The following SLC9A4 variants were observed in gnomAD, a reference collection of about 807,000 sequenced individuals.
SLC9A4 encodes the protein sodium/hydrogen exchanger 4.
Under a neutral mutation model 67.4 loss-of-function variants are expected in SLC9A4, and 63 were observed. The observed-to-expected ratio is 0.93, with a 90% CI of 0.76 to 1.15. The LOEUF (loss-of-function observed/expected upper bound fraction) is 1.15. Ranked by LOEUF, SLC9A4 falls within the 50% of genes most tolerant of loss-of-function variation. SLC9A4 has a pLI of 0.00. For synonymous variants in SLC9A4, 393 were observed against 367.2 expected, an observed-to-expected ratio of 1.07 and a Z score of -0.80; for missense variants, 1,089 against 987.7, an observed-to-expected ratio of 1.10 and a Z score of -1.38.
intron 1 of SLC9A4, among the ~76,000 whole-genome samples, chr2:102,476,820 T>TAGG (rs1471059419): frequency 6.7e-6 from 1 of 149,644 alleles, no homozygotes; most frequent in African/African-American, 2.5e-5. Context: ...GGAGGAGAAA[T>TAGG]AGGAGGAGAA....
At chr2:102,515,121 G>C (rs754936811) in intron 8 of SLC9A4, among the ~76,000 whole-genome samples, 23 of 152,104 alleles carry the variant, frequency 1.5e-4, no homozygotes, top group South Asian at 1.0e-3. Context: ...CATATATTTA[G>C]GATAAGGAAC....
At chr2:102,481,823 A>G (rs993679196) in intron 2 of SLC9A4, among the ~76,000 whole-genome samples, 1 of 152,174 alleles carries the variant, frequency 6.6e-6, no homozygotes, top group East Asian at 1.9e-4. Flanking sequence ...GTGTCTAACC[A>G]AAAGACATGC....
chr2:102,508,373 T>G, intron 5 of SLC9A4, 92 bp downstream of exon 5: 1 of 1,206,964 alleles, frequency 8.3e-7, no homozygotes, highest in Non-Finnish European at 1.1e-6. Context: ...TTTATCTGAT[T>G]TTCAGATCTG....
At chr2:102,497,804 C>T (rs900465748) in intron 2 of SLC9A4, among the ~76,000 whole-genome samples, 7 of 152,024 alleles carry the variant, frequency 4.6e-5, no homozygotes, top group Non-Finnish European at 8.8e-5. Flanking sequence ...ATGCAGTTTA[C>T]CATATGTAAG....
chr2:102,473,769 C>T lies in SLC9A4; in HGVS notation c.10C>T (p.Gln4Ter). ...GGAGAAGCCCACAGGAATGGCTCTG[C>T]AGATGTTCGTGACTTACAGTCCTTG... MAL[Q>*]MFVTYSPWNC... is the part of the protein sequence containing the mutation. The change falls in exon 1 of 12, where the codon CAG (glutamine) becomes TAG (stop). Residue 4 changes from glutamine (Q) to a stop codon, truncating the protein, a stop_gained. Transcript: ENST00000295269. LOFTEE classifies it high-confidence loss of function. 2 of 1,613,816 alleles carry T rather than the reference C, an allele frequency of 1.2e-6. No individual in the cohort carries two copies. Among genetic ancestry groups the T allele is most frequent in the Non-Finnish European group, 1.7e-6 (2 of 1,179,856 alleles).
At chr2:102,496,283 A>G (rs1159086487) in intron 2 of SLC9A4, among the ~76,000 whole-genome samples, 2 of 152,254 alleles carry the variant, frequency 1.3e-5, no homozygotes, top group South Asian at 2.1e-4. Flanking sequence ...TGCGCAACAT[A>G]GTAATCAGGG....
At chr2:102,520,029 G>A in intron 9 of SLC9A4, 74 bp downstream of exon 9, 1 of 1,259,280 alleles carries the variant, frequency 7.9e-7, no homozygotes, top group Non-Finnish European at 1.1e-6. Context: ...GTCTGTTGAT[G>A]TTCAAGTCTC....
At position 102,532,562 on chromosome 2, in the gene SLC9A4, G is replaced by T; in HGVS notation, c.2271G>T (p.Glu757Asp). ...CTCTGTTTCATGCAGTGGATGAGGA[G>T]GGTGAGTCTGGAGGGGAGAGTGAGG... is the stretch of plus-strand genomic sequence containing the variant. ...PKPLFHAVDE[E>D]GESGGESEGK... Residue 757 changes from glutamate (E) to aspartate (D), a missense_variant, in exon 12 of 12, where the codon GAG becomes GAT. Transcript: ENST00000295269. 1 of 1,614,084 alleles carries T rather than the reference G, an allele frequency of 6.2e-7. No individual in the cohort carries two copies. Among genetic ancestry groups the T allele is most frequent in the South Asian group, 1.1e-5 (1 of 91,062 alleles).
Position 102,503,721 on chromosome 2 carries a change from A to C in SLC9A4, c.980+14A>C. The C allele has an allele frequency of 6.2e-7, 1 of 1,612,118 alleles. No homozygotes were observed. Among genetic ancestry groups the C allele is most frequent in the Non-Finnish European group, 8.5e-7 (1 of 1,178,676 alleles). ...CGGCATCCTGGCGTGAGTACAAACCAAGGATCAAGTCACATAGTAATAGAA... is the reference window on the plus strand; with the variant it reads ...CGGCATCCTGGCGTGAGTACAAACCCAGGATCAAGTCACATAGTAATAGAA... On this transcript the variant is annotated intron_variant, in intron 3 of 11. Coordinates refer to ENST00000295269, the MANE Select transcript of SLC9A4 (RefSeq NM_001011552.4).
At chr2:102,485,559 T>C (rs1208086081) in intron 2 of SLC9A4, among the ~76,000 whole-genome samples, 1 of 152,254 alleles carries the variant, frequency 6.6e-6, no homozygotes, top group Admixed American at 6.5e-5. Context: ...GCTCTCTTAA[T>C]TTCTCTCCAT....
chr2:102,525,352 A>G (rs1005380522), intron 10 of SLC9A4, among the ~76,000 whole-genome samples, 197 bp downstream of exon 10: 4 of 151,984 alleles, frequency 2.6e-5, no homozygotes, highest in Non-Finnish European at 5.9e-5. Flanking sequence ...CAGGGCCCCA[A>G]GGCATCTGCC....
chr2:102,493,506 CAG>C (rs947139385), intron 2 of SLC9A4, among the ~76,000 whole-genome samples: 4 of 151,788 alleles, frequency 2.6e-5, no homozygotes, highest in Non-Finnish European at 5.9e-5. Context: ...ATAAAACCAT[CAG>C]ATCTTGTGAG....
chr2:102,477,434 AC>A (rs1285862652), intron 1 of SLC9A4, among the ~76,000 whole-genome samples: 1 of 152,182 alleles, frequency 6.6e-6, no homozygotes, highest in Non-Finnish European at 1.5e-5. Flanking sequence ...TCATTTATAC[AC>A]TCAGCAAATA....
chr2:102,506,983 CAACT>C (rs1685063553), intron 4 of SLC9A4, among the ~76,000 whole-genome samples: 1 of 152,168 alleles, frequency 6.6e-6, no homozygotes, highest in South Asian at 2.1e-4. Context: ...TGACTCATCA[CAACT>C]AATAGTAGTT....
rs61708027 is a variant in SLC9A4, at chr2:102,491,317, C to CTTTTTTTTTTTTTTTTTTTTTTTTTTT, written c.720+12024_720+12050dup. Among the ~76,000 whole-genome samples, 2 of 45,740 alleles carry CTTTTTTTTTTTTTTTTTTTTTTTTTTT rather than the reference C, an allele frequency of 4.4e-5. 1 individual carries two copies. The highest frequency in any genetic ancestry group is 8.2e-5 in the Non-Finnish European group (2 of 24,510). 30.0% of individuals were successfully genotyped at this position (45,740 alleles called of 152,430 possible). On this transcript the variant is annotated intron_variant, in intron 2 of 11. Coordinates refer to ENST00000295269, the MANE Select transcript of SLC9A4 (RefSeq NM_001011552.4). ...ATTTCTCTTCCCATTTGTACTAATGCTTTTTTTTTTTTTTTTTTTTTTTTT... is the reference window on the plus strand; with the variant it reads ...ATTTCTCTTCCCATTTGTACTAATGCTTTTTTTTTTTTTTTTTTTTTTTTTTTTTTTTTTTTTTTTTTTTTTTTTTTT...
chr2:102,493,866 C>A (rs1684754646), intron 2 of SLC9A4, among the ~76,000 whole-genome samples: 1 of 151,848 alleles, frequency 6.6e-6, no homozygotes, highest in Non-Finnish European at 1.5e-5. Context: ...TAACTGCAAG[C>A]TGGGCAGAGT....
rs971541437 is a variant in SLC9A4, at chr2:102,532,983, G to A, written c.*295G>A. ...TAAGAACTTTCTATCAAAAGCATTG[G>A]ATCCAAGCCATATATTGAAATACAA... On this transcript the variant is annotated 3_prime_UTR_variant, in exon 12 of 12. Transcript: ENST00000295269. The A allele has an allele frequency of 7.4e-6, 2 of 272,020 alleles. No individual in the cohort carries two copies. Among genetic ancestry groups the A allele is most frequent in the African/African-American group, 4.3e-5 (2 of 46,780 alleles). The allele number at this position is 272,020 out of a possible 1,614,324, so 16.9% of individuals were successfully genotyped here. A position where few individuals can be genotyped will look rare whatever the true frequency, so the allele number is the denominator to read the frequency against.
chr2:102,510,219 A>AGATACG (rs1558668704), intron 6 of SLC9A4, among the ~76,000 whole-genome samples: 7 of 137,764 alleles, frequency 5.1e-5, no homozygotes, highest in South Asian at 2.3e-4. Context: ...ATATAGATAC[A>AGATACG]GATACGGATA....
intron 2 of SLC9A4, among the ~76,000 whole-genome samples, chr2:102,497,433 A>G (rs1431939914): frequency 6.6e-6 from 1 of 152,218 alleles, no homozygotes; most frequent in African/African-American, 2.4e-5. Context: ...ACAAATATTC[A>G]TTAACAGGTA....
Sources: gnomAD v4.1 joint callset for allele counts (sites outside exome capture counted in the v4.1 genomes callset) on GRCh38, gnomAD v4.1.1 for gene constraint, MANE v1.5 for transcripts, NCBI Gene and HGNC (gene_info 2026-07-23, HGNC 2026-07-21) for gene names.